The following ROR1 variants were observed in gnomAD, a reference collection of about 807,000 sequenced individuals.
ROR1 encodes the protein ROR family WNT receptor 1.
A neutral mutation model predicts 78.8 loss-of-function variants in ROR1; 19 were observed. The observed-to-expected ratio is 0.24, with a 90% confidence interval of 0.17 to 0.35. The LOEUF (loss-of-function observed/expected upper bound fraction) is 0.35, where lower values mean the gene tolerates loss of function less well. Ranked by LOEUF, ROR1 falls within the 10% of genes least tolerant of loss-of-function variation. ROR1 has a pLI of 1.00. For synonymous variants in ROR1, 386 were observed against 433.6 expected (o/e 0.89, Z 1.36); for missense variants, 917 against 1,177.8 (o/e 0.78, Z 3.24).
At chr1:64,038,553 A>G (rs1471002785) in intron 2 of ROR1, among the ~76,000 whole-genome samples, 1 of 152,142 alleles carries the variant, frequency 6.6e-6, no homozygotes, top group Non-Finnish European at 1.5e-5. Flanking sequence ...CACCGATTGC[A>G]AGGTGTTACC....
Position 64,103,247 on chromosome 1 carries a change from G to A in ROR1, c.483-34122G>A, listed in dbSNP as rs373483589. On this transcript the variant is annotated intron_variant, in intron 4 of 8. Coordinates refer to ENST00000371079, the MANE Select transcript of ROR1 (RefSeq NM_005012.4). ...AGTATTTTCCAATTCTGTGAAGAAA[G>A]TCATTGGTAGCTTGATGGGGATGGC... 2.2e-4 allele frequency among the ~76,000 whole-genome samples: 34 copies of A among 152,032 alleles called. 2 individuals are homozygous for A. Among genetic ancestry groups the A allele is most frequent in the Admixed American group, 9.8e-4 (15 of 15,256 alleles).
intron 1 of ROR1, among the ~76,000 whole-genome samples, chr1:63,901,015 C>T (rs780797903): frequency 1.4e-4 from 21 of 152,052 alleles, no homozygotes; most frequent in Non-Finnish European, 2.8e-4. Flanking sequence ...GATGCTGAGG[C>T]CCAGAGGGGT....
intron 1 of ROR1, among the ~76,000 whole-genome samples, chr1:63,923,513 C>A (rs1301855539): frequency 6.6e-6 from 1 of 151,820 alleles, no homozygotes; most frequent in Non-Finnish European, 1.5e-5. Flanking sequence ...TTTTCTCTTT[C>A]CCTCTCCTCT....
chr1:63,884,731 T>C (rs1645345515), intron 1 of ROR1, among the ~76,000 whole-genome samples: 2 of 152,116 alleles, frequency 1.3e-5, no homozygotes, highest in Non-Finnish European at 2.9e-5. Context: ...GACAGGGGAT[T>C]ATACAAATTA....
intron 8 of ROR1, among the ~76,000 whole-genome samples, chr1:64,159,787 T>G (rs558527696): frequency 1.8e-4 from 27 of 152,312 alleles, no homozygotes; most frequent in Admixed American, 7.2e-4. Context: ...GAATGCTGTT[T>G]TATGATAACC....
chr1:63,816,391 C>T (rs1644892398), intron 1 of ROR1, among the ~76,000 whole-genome samples: 2 of 152,202 alleles, frequency 1.3e-5, no homozygotes, highest in African/African-American at 4.8e-5. Flanking sequence ...GAGTAAGTCT[C>T]ATGAAACGTG....
chr1:64,082,078 A>G (rs1647107655), intron 4 of ROR1, among the ~76,000 whole-genome samples: 1 of 152,170 alleles, frequency 6.6e-6, no homozygotes, highest in Non-Finnish European at 1.5e-5. Context: ...TTTTGGAGTC[A>G]TAGATGTTTT....
At chr1:63,791,896 T>C (rs1251192068) in intron 1 of ROR1, among the ~76,000 whole-genome samples, 1 of 152,128 alleles carries the variant, frequency 6.6e-6, no homozygotes, top group Non-Finnish European at 1.5e-5. Context: ...GAAGGATCCA[T>C]GAGGCCTCCT....
chr1:64,130,920 A>G lies in ROR1; in HGVS notation c.483-6449A>G, dbSNP rs576797098. Reference sequence around the variant, plus strand: ...GAAGCTTCACACTCAGCTCGAGGTTACTAGAGCCATTATGTGGCCATGCTT... The same window carrying G: ...GAAGCTTCACACTCAGCTCGAGGTTGCTAGAGCCATTATGTGGCCATGCTT... On this transcript the variant is annotated intron_variant, in intron 4 of 8. Transcript: ENST00000371079. Among the ~76,000 whole-genome samples the G allele has an allele frequency of 7.9e-5, 12 of 152,316 alleles. No homozygotes were observed. In the South Asian group the frequency reaches 2.5e-3, roughly 32 times the overall value.
chr1:64,014,768 A>ATATATATATATATATATATG (rs1557609719), intron 2 of ROR1, among the ~76,000 whole-genome samples: 15 of 76,584 alleles, frequency 2.0e-4, no homozygotes, highest in African/African-American at 5.8e-4. Context: ...ATATATATAT[A>ATATATATATATATATATATG]TATATACACA....
intron 1 of ROR1, among the ~76,000 whole-genome samples, chr1:63,988,750 G>C (rs1312419331): frequency 3.3e-5 from 5 of 152,158 alleles, no homozygotes; most frequent in Admixed American, 2.6e-4. Context: ...TTTGTCCTTT[G>C]TGACTGGCCT....
Position 63,840,829 on chromosome 1 carries a change from G to A in ROR1, c.91+66321G>A, listed in dbSNP as rs536960347. On this transcript the variant is annotated intron_variant, in intron 1 of 8. Transcript: ENST00000371079. ...GGAGTAAGTTACTTGACTTGTCTAG[G>A]TGTCAGTTTTCTCATCTAGAAAATG... Among the ~76,000 whole-genome samples the A allele has an allele frequency of 4.6e-5, 7 of 152,238 alleles. No homozygotes were observed. The South Asian group carries it at 1.5e-3, about 32-fold the overall frequency.
chr1:64,106,594 T>G (rs1010832651), intron 4 of ROR1: 2 of 152,200 alleles, frequency 1.3e-5, no homozygotes, highest in Non-Finnish European at 2.9e-5. Context: ...TGGCTGTGGG[T>G]TTGTCATAAA....
At chr1:64,099,149 A>G (rs1219013419) in intron 4 of ROR1, among the ~76,000 whole-genome samples, 2 of 152,116 alleles carry the variant, frequency 1.3e-5, no homozygotes, top group Admixed American at 6.6e-5. Flanking sequence ...TACTCCCACC[A>G]TGGAGCCATA....
chr1:63,963,414 C>G (rs1646048133), intron 1 of ROR1, among the ~76,000 whole-genome samples: 1 of 151,534 alleles, frequency 6.6e-6, no homozygotes, highest in Admixed American at 6.6e-5. Context: ...CTAAAAAATA[C>G]AAAAATTAGC....
At chr1:64,135,213 C>G (rs1649062393) in intron 4 of ROR1, among the ~76,000 whole-genome samples, 1 of 152,106 alleles carries the variant, frequency 6.6e-6, no homozygotes, top group Admixed American at 6.6e-5. Context: ...AAATGTGCAG[C>G]CAAGGAATTG....
In ROR1 at chr1:64,177,463, C is replaced by T. The variant is rs1249388179; in HGVS notation, c.1422C>T (p.Arg474=). 7.4e-6 allele frequency: 12 copies of T among 1,614,018 alleles called. No homozygotes were observed. The highest frequency in any genetic ancestry group is 1.0e-5 in the Non-Finnish European group (12 of 1,180,020). ...AAGAGCTACCTCTTTCTGCTGTACG[C>T]TTTATGGAAGAATTGGGTGAGTGTG... The part of the protein sequence containing the change: ...KAKELPLSAV[R]FMEELGECAF... Residue 474 remains arginine, a synonymous_variant, in exon 9 of 9, where the codon CGC becomes CGT. Coordinates refer to ENST00000371079, the MANE Select transcript of ROR1 (RefSeq NM_005012.4).
intron 1 of ROR1, among the ~76,000 whole-genome samples, chr1:63,826,290 G>A (rs186085955): frequency 3.9e-5 from 6 of 152,086 alleles, no homozygotes; most frequent in African/African-American, 1.2e-4. Context: ...TCCCCTCTAT[G>A]TGTTTATGTG....
At chr1:63,900,752 G>T (rs1335233396) in intron 1 of ROR1, among the ~76,000 whole-genome samples, 2 of 151,994 alleles carry the variant, frequency 1.3e-5, no homozygotes, top group South Asian at 2.1e-4. Context: ...CTATTCGTAT[G>T]CATTATATAT....
Sources: gnomAD v4.1 joint callset for allele counts (sites outside exome capture counted in the v4.1 genomes callset) on GRCh38, gnomAD v4.1.1 for gene constraint, MANE v1.5 for transcripts, NCBI Gene and HGNC (gene_info 2026-07-23, HGNC 2026-07-21) for gene names.